PHF20: variants seen among roughly 807,000 people sequenced by gnomAD.
PHF20 encodes PHD finger protein 20, also known as glioma-expressed antigen 2.
Under a neutral mutation model 113.5 loss-of-function variants are expected in PHF20, and 23 were observed. The ratio of observed to expected loss-of-function variants is 0.20; its 90% confidence interval spans 0.15 to 0.29. The LOEUF (loss-of-function observed/expected upper bound fraction) is 0.29. Among genes scored for constraint, PHF20 ranks in the 10% least tolerant of loss-of-function variants. The pLI is 1.00. For synonymous variants in PHF20, 434 were observed against 457.3 expected, an observed-to-expected ratio of 0.95 and a Z score of 0.65; for missense variants, 943 against 1,219.6, an observed-to-expected ratio of 0.77 and a Z score of 3.38.
At chr20:35,874,857 T>C (rs923819630) in intron 9 of PHF20, among the ~76,000 whole-genome samples, 1 of 151,976 alleles carries the variant, frequency 6.6e-6, no homozygotes, top group East Asian at 1.9e-4. Flanking sequence ...AGGTTGAGAC[T>C]GGAGGGTCAC....
chr20:35,903,322 G>A (rs373699169), intron 10 of PHF20, among the ~76,000 whole-genome samples: 2 of 152,164 alleles, frequency 1.3e-5, no homozygotes, highest in Non-Finnish European at 1.5e-5. Flanking sequence ...GGAAACAAGA[G>A]TCTTTTAAAT....
chr20:35,779,768 G>A (rs537937065), intron 1 of PHF20, among the ~76,000 whole-genome samples: 5 of 152,084 alleles, frequency 3.3e-5, no homozygotes, highest in Admixed American at 2.6e-4. Context: ...TGATCCACCC[G>A]CCTCGGCCTC....
At position 35,801,113 on chromosome 20, in the gene PHF20, CTGTGTCTCTTT is replaced by C. The variant is rs2041772339; in HGVS notation, c.-32-375_-32-365del. Among the ~76,000 whole-genome samples the C allele has an allele frequency of 2.6e-5, 4 of 152,338 alleles. No homozygotes were observed. The East Asian group carries it at 5.8e-4, about 22-fold the overall frequency. ...ACTGAAGGGTTCTTGAGGGCAGGAG[CTGTGTCTCTTT>C]TGGTCTTGATTGTTTCCTTAAATAG... is the stretch of plus-strand genomic sequence containing the variant. On this transcript the variant is annotated intron_variant, in intron 1 of 17. Coordinates refer to ENST00000374012, the MANE Select transcript of PHF20 (RefSeq NM_016436.5).
chr20:35,845,212 T>A (rs968868783), intron 3 of PHF20, among the ~76,000 whole-genome samples: 2 of 151,868 alleles, frequency 1.3e-5, no homozygotes, highest in African/African-American at 2.4e-5. Flanking sequence ...TTTTTTTTTC[T>A]GTTCCTGTAA....
chr20:35,865,090 G>C (rs574136055), intron 6 of PHF20, among the ~76,000 whole-genome samples: 93 of 152,220 alleles, frequency 6.1e-4, no homozygotes, highest in African/African-American at 2.2e-3. Context: ...TACTCAGGAG[G>C]CTGAGGCAAG....
intron 2 of PHF20, among the ~76,000 whole-genome samples, chr20:35,813,239 G>A (rs2042009091): frequency 6.6e-6 from 1 of 151,974 alleles, no homozygotes; most frequent in Admixed American, 6.6e-5. Flanking sequence ...CAAAGTGCTG[G>A]GATTACAGGC....
chr20:35,895,387 A>G (rs1206776667), intron 9 of PHF20, among the ~76,000 whole-genome samples: 1 of 152,104 alleles, frequency 6.6e-6, no homozygotes, highest in Non-Finnish European at 1.5e-5. Flanking sequence ...TGAACTCCTG[A>G]CTGCAAGTGA....
chr20:35,775,193 A>G (rs947065816), intron 1 of PHF20: 5 of 152,078 alleles, frequency 3.3e-5, no homozygotes, highest in African/African-American at 1.2e-4. Flanking sequence ...TCTTGTTGAA[A>G]TGCTGATTCT....
At chr20:35,904,805 T>TTCCTTC (rs2055172721) in intron 10 of PHF20, among the ~76,000 whole-genome samples, 4 of 14,904 alleles carry the variant, frequency 2.7e-4, no homozygotes, top group Middle Eastern at 0.031. Flanking sequence ...TTCCTTCCTT[T>TTCCTTC]CTTTTCTTTC....
intron 4 of PHF20, 54 bp downstream of exon 4, chr20:35,847,488 G>A: frequency 9.0e-7 from 1 of 1,105,098 alleles, no homozygotes; most frequent in Non-Finnish European, 1.4e-6. Context: ...GGTGGGGGGG[G>A]ATGTTTGTAA....
rs186550850 is a variant in PHF20, at chr20:35,844,391, C to T, written c.255+1647C>T. On this transcript the variant is annotated intron_variant, in intron 3 of 17. Transcript: ENST00000374012. ...TCCTGGCATTACAGGTGTGAGCCAC[C>T]GCGCCCAGCCGGTTTTTTTTTTTTG... Among the ~76,000 whole-genome samples the T allele has an allele frequency of 9.0e-3, 1,358 of 150,486 alleles. 15 individuals carry two copies. Among genetic ancestry groups the T allele is most frequent in the East Asian group, 0.037 (187 of 5,100 alleles).
chr20:35,833,930 C>A (rs2042395579), intron 2 of PHF20, among the ~76,000 whole-genome samples: 1 of 151,824 alleles, frequency 6.6e-6, no homozygotes, highest in African/African-American at 2.4e-5. Context: ...TGGTGGCGCA[C>A]ACCTGTAATC....
chr20:35,939,430 G>C (rs181424167), intron 16 of PHF20, among the ~76,000 whole-genome samples: 1 of 152,208 alleles, frequency 6.6e-6, no homozygotes, highest in East Asian at 1.9e-4. Flanking sequence ...CTTTAAGGCA[G>C]TTTGCATTAT....
intron 4 of PHF20, among the ~76,000 whole-genome samples, chr20:35,857,004 G>C (rs1354294682): frequency 6.6e-6 from 1 of 152,138 alleles, no homozygotes; most frequent in Non-Finnish European, 1.5e-5. Flanking sequence ...GGAGGGGTGT[G>C]GGAAGAGAAT....
chr20:35,889,218 G>A (rs943341030), intron 9 of PHF20, among the ~76,000 whole-genome samples: 16 of 151,624 alleles, frequency 1.1e-4, no homozygotes, highest in Admixed American at 9.9e-4. Context: ...GTTTTGTCAT[G>A]TTAGCCAGGC....
chr20:35,799,547 C>T (rs1373190395), intron 1 of PHF20, among the ~76,000 whole-genome samples: 1 of 152,060 alleles, frequency 6.6e-6, no homozygotes, highest in African/African-American at 2.4e-5. Context: ...GTGGCCTGTT[C>T]AAGTGCCCTT....
At chr20:35,912,878 G>A (rs115551718) in intron 10 of PHF20, among the ~76,000 whole-genome samples, 119 of 152,294 alleles carry the variant, frequency 7.8e-4, no homozygotes, top group African/African-American at 2.7e-3. Context: ...GGGTTGAGGA[G>A]CAGTGATCTA....
intron 9 of PHF20, among the ~76,000 whole-genome samples, chr20:35,875,908 T>C (rs1434881723): frequency 6.6e-6 from 1 of 152,208 alleles, no homozygotes; most frequent in Non-Finnish European, 1.5e-5. Context: ...CTATACTTTT[T>C]CCCAAAATAT....
At chr20:35,939,841 T>TGGTG (rs2055942209) in intron 16 of PHF20, among the ~76,000 whole-genome samples, 2 of 152,194 alleles carry the variant, frequency 1.3e-5, no homozygotes, top group Admixed American at 1.3e-4. Context: ...CATTGCTGCA[T>TGGTG]GGTGCCAAGG....
Sources: gnomAD v4.1 joint callset for allele counts (sites outside exome capture counted in the v4.1 genomes callset) on GRCh38, gnomAD v4.1.1 for gene constraint, MANE v1.5 for transcripts, NCBI Gene and HGNC (gene_info 2026-07-23, HGNC 2026-07-21) for gene names.